Variants in ST7 observed in about 807,000 individuals in gnomAD.
The protein encoded by ST7 is suppression of tumorigenicity 7.
In ST7, 28 loss-of-function variants were observed where a neutral mutation model predicts 78.7. The observed-to-expected ratio is 0.36, with a 90% confidence interval of 0.26 to 0.49. The LOEUF (loss-of-function observed/expected upper bound fraction) is 0.49. ST7 is among the 20% of genes least tolerant of loss of function. The pLI, the probability that ST7 is intolerant of heterozygous loss-of-function variation, is 0.99. For missense variants in ST7, 418 were observed against 696.0 expected (o/e 0.60, Z 4.49); for synonymous variants, 247 against 249.6 (o/e 0.99, Z 0.10).
chr7:117,109,790 C>T (rs541907426), intron 2 of ST7, among the ~76,000 whole-genome samples: 19 of 152,280 alleles, frequency 1.2e-4, no homozygotes, highest in African/African-American at 4.1e-4. Flanking sequence ...CAAAAATTCT[C>T]AGTAAAATAT....
chr7:116,957,748 TA>T (rs1363284707), intron 1 of ST7, among the ~76,000 whole-genome samples: 3 of 152,344 alleles, frequency 2.0e-5, no homozygotes, highest in African/African-American at 7.2e-5. Flanking sequence ...AATAGTACCA[TA>T]ACTTATACAG....
chr7:116,959,349 A>G (rs923210240), intron 1 of ST7: 3 of 453,132 alleles, frequency 6.6e-6, no homozygotes, highest in South Asian at 3.3e-5. Context: ...TATATGAATT[A>G]TGGTATATGT....
chr7:117,214,403 C>T (rs1186515554), intron 13 of ST7, among the ~76,000 whole-genome samples: 3 of 151,994 alleles, frequency 2.0e-5, no homozygotes, highest in Non-Finnish European at 4.4e-5. Context: ...ATTGTTGAAG[C>T]GTAGGATGAG....
intron 1 of ST7, among the ~76,000 whole-genome samples, chr7:116,965,233 C>G (rs1292526330): frequency 1.3e-5 from 2 of 151,384 alleles, no homozygotes; most frequent in Non-Finnish European, 2.9e-5. Flanking sequence ...CCAGCTACTC[C>G]AGAGGCTGAG....
At chr7:117,029,560 G>A (rs903732320) in intron 1 of ST7, among the ~76,000 whole-genome samples, 2 of 151,914 alleles carry the variant, frequency 1.3e-5, no homozygotes, top group Admixed American at 1.3e-4. Context: ...TCTTAATAAT[G>A]TTAAGTTTTT....
At chr7:117,033,117 G>A (rs1462890345) in intron 1 of ST7, among the ~76,000 whole-genome samples, 1 of 152,106 alleles carries the variant, frequency 6.6e-6, no homozygotes, top group Admixed American at 6.6e-5. Context: ...AGCCTTTAAT[G>A]GCACATGATA....
At chr7:117,031,251 T>G (rs959271364) in intron 1 of ST7, among the ~76,000 whole-genome samples, 1 of 151,484 alleles carries the variant, frequency 6.6e-6, no homozygotes, top group Non-Finnish European at 1.5e-5. Flanking sequence ...TTTTGGGTAC[T>G]GCGCTTATTA....
At chr7:117,024,504 C>G (rs552862705) in intron 1 of ST7, among the ~76,000 whole-genome samples, 15 of 152,254 alleles carry the variant, frequency 9.9e-5, no homozygotes, top group African/African-American at 3.4e-4. Flanking sequence ...AAGCACCTAC[C>G]TTATTAGTTC....
At chr7:117,146,031 G>C (rs900706811) in intron 9 of ST7, 2 of 152,102 alleles carry the variant, frequency 1.3e-5, no homozygotes, top group African/African-American at 4.8e-5. Context: ...GAGAACTACA[G>C]GGTTTTTAGT....
At chr7:117,007,771 T>C (rs1268819881) in intron 1 of ST7, among the ~76,000 whole-genome samples, 12 of 152,174 alleles carry the variant, frequency 7.9e-5, no homozygotes, top group Non-Finnish European at 1.3e-4. Context: ...TTCTTTTCAT[T>C]TTACGAAACT....
chr7:117,081,766 AT>A (rs775612683), intron 1 of ST7, among the ~76,000 whole-genome samples: 4 of 152,214 alleles, frequency 2.6e-5, no homozygotes, highest in Non-Finnish European at 4.4e-5. Flanking sequence ...TAAAATGACA[AT>A]TGTAAAAGAT....
intron 10 of ST7, among the ~76,000 whole-genome samples, chr7:117,177,496 C>T (rs1246647244): frequency 6.6e-6 from 1 of 152,212 alleles, no homozygotes; most frequent in South Asian, 2.1e-4. Flanking sequence ...CTTCAGGGCA[C>T]CAGCCACGGA....
intron 1 of ST7, among the ~76,000 whole-genome samples, chr7:116,988,653 A>G (rs1249220788): frequency 6.6e-6 from 1 of 152,212 alleles, no homozygotes; most frequent in Non-Finnish European, 1.5e-5. Flanking sequence ...TATTGAAATA[A>G]TTGAAGGTAG....
chr7:117,088,895 A>G (rs949075831), intron 1 of ST7, among the ~76,000 whole-genome samples: 1 of 152,198 alleles, frequency 6.6e-6, no homozygotes, highest in Non-Finnish European at 1.5e-5. Flanking sequence ...AGAACTGAGC[A>G]ATCCAAACAT....
chr7:117,062,700 T>G (rs1798423333), intron 1 of ST7, among the ~76,000 whole-genome samples: 1 of 152,216 alleles, frequency 6.6e-6, no homozygotes, highest in African/African-American at 2.4e-5. Context: ...TAGTTTATCA[T>G]GGGTAAGTTA....
Position 117,127,771 on chromosome 7 carries a change from G to T in ST7, c.395-2022G>T, listed in dbSNP as rs1395120272. Among the ~76,000 whole-genome samples, 3 of 151,802 alleles carry T rather than the reference G, an allele frequency of 2.0e-5. No individual in the cohort carries two copies. The East Asian group carries it at 5.8e-4, about 29-fold the overall frequency. ...CACAATGTTTGCTGCACCCCCTGCTGGCTGTATTGTGACACTTCTTAAATA... is the reference window on the plus strand; with the variant it reads ...CACAATGTTTGCTGCACCCCCTGCTTGCTGTATTGTGACACTTCTTAAATA... On this transcript the variant is annotated intron_variant, in intron 3 of 15. Transcript: ENST00000323984.
intron 1 of ST7, among the ~76,000 whole-genome samples, chr7:117,013,045 A>G (rs961717154): frequency 6.6e-6 from 1 of 152,250 alleles, no homozygotes; most frequent in Non-Finnish European, 1.5e-5. Flanking sequence ...CAGCATAAAA[A>G]TAAAAAGTCT....
At chr7:117,176,118 C>G (rs1422123309) in intron 10 of ST7, among the ~76,000 whole-genome samples, 2 of 152,140 alleles carry the variant, frequency 1.3e-5, no homozygotes, top group Non-Finnish European at 2.9e-5. Context: ...AACAATTTGT[C>G]CTAATGGAAA....
rs1584653592 is a variant in ST7 at position 117,229,850 on chromosome 7, G to A, written c.1727G>A (p.Arg576Gln). Residue 576 changes from arginine (R) to glutamine (Q), a missense_variant, in exon 16 of 16, where the codon CGG becomes CAG. By Grantham distance (43) the Arg-to-Gln change is conservative. Coordinates refer to ENST00000323984, the MANE Select transcript of ST7 (RefSeq NM_001369598.1). The stretch of plus-strand genomic sequence containing the variant: ...TCCAGTCTGTGGCACCAGCTAACAC[G>A]GATCTGAGAGAAGCCCTGTCCTCCA... Reference protein sequence around the residue: ...LPSSLWHQLTRI With the variant: ...LPSSLWHQLTQI The A allele has an allele frequency of 1.2e-6, 2 of 1,613,926 alleles. No individual in the cohort carries two copies. The highest frequency in any genetic ancestry group is 8.5e-7 in the Non-Finnish European group (1 of 1,179,840).
Sources: gnomAD v4.1 joint callset for allele counts (sites outside exome capture counted in the v4.1 genomes callset) on GRCh38, gnomAD v4.1.1 for gene constraint, MANE v1.5 for transcripts, NCBI Gene and HGNC (gene_info 2026-07-23, HGNC 2026-07-21) for gene names.